The following PEX14 variants were observed in gnomAD, a reference collection of about 807,000 sequenced individuals.
PEX14 encodes peroxisomal biogenesis factor 14.
Under a neutral mutation model 49.5 loss-of-function variants are expected in PEX14, and 15 were observed. The ratio of observed to expected loss-of-function variants is 0.30; its 90% CI spans 0.20 to 0.47. PEX14 has a LOEUF of 0.47. Ranked by LOEUF, PEX14 falls within the 20% of genes least tolerant of loss-of-function variation. The pLI is 1.00. For missense variants in PEX14, 398 were observed against 494.8 expected (o/e 0.80, Z 1.86); for synonymous variants, 210 against 212.7 (o/e 0.99, Z 0.11).
chr1:10,505,291 C>T (rs549164755), intron 2 of PEX14, among the ~76,000 whole-genome samples: 247 of 152,032 alleles, frequency 1.6e-3, no homozygotes, highest in Non-Finnish European at 2.8e-3. Flanking sequence ...GGCAACGTGA[C>T]GAGGTGCCAT....
At chr1:10,603,861 C>T (rs748157648) in intron 4 of PEX14, among the ~76,000 whole-genome samples, 3 of 152,184 alleles carry the variant, frequency 2.0e-5, no homozygotes, top group Non-Finnish European at 4.4e-5. Context: ...CAAAGACTGA[C>T]CTAGAGCTTC....
chr1:10,592,976 T>G (rs1640715194), intron 3 of PEX14, among the ~76,000 whole-genome samples: 1 of 152,196 alleles, frequency 6.6e-6, no homozygotes, highest in Non-Finnish European at 1.5e-5. Flanking sequence ...CTGTTGACAT[T>G]AGGAAAGCAG....
chr1:10,496,533 G>T (rs778480626), intron 2 of PEX14, among the ~76,000 whole-genome samples: 2 of 152,146 alleles, frequency 1.3e-5, no homozygotes, highest in Non-Finnish European at 2.9e-5. Flanking sequence ...ACCATAGGCC[G>T]CTGCAGTCCT....
chr1:10,502,465 C>A (rs1641698602), intron 2 of PEX14, among the ~76,000 whole-genome samples: 2 of 152,128 alleles, frequency 1.3e-5, no homozygotes, highest in Admixed American at 1.3e-4. Flanking sequence ...AGGCGGTGCC[C>A]TTTACATTGT....
intron 3 of PEX14, among the ~76,000 whole-genome samples, chr1:10,571,140 A>G (rs184166026): frequency 1.3e-5 from 2 of 149,076 alleles, no homozygotes; most frequent in Non-Finnish European, 3.0e-5. Context: ...TACAGGTGTG[A>G]GCCACTGTGC....
At chr1:10,590,763 C>T (rs1010162148) in intron 3 of PEX14, among the ~76,000 whole-genome samples, 4 of 152,162 alleles carry the variant, frequency 2.6e-5, no homozygotes, top group Non-Finnish European at 5.9e-5. Flanking sequence ...TATGTATTGA[C>T]CTATTAGGAC....
At position 10,618,416 on chromosome 1, in the gene PEX14, A is replaced by T; in HGVS notation, c.383A>T (p.Lys128Met). ...GCATTTGGCTTTCACCAGCTCTACA[A>T]GGTGAGTCACCCCCAGCGGCTGCAG... is the stretch of plus-strand genomic sequence containing the variant. ...GIAFGFHQLY[K>M]KYLLPLILGG... is the part of the protein sequence containing the mutation. Residue 128 changes from lysine (K) to methionine (M), a missense_variant and splice_region_variant, in exon 5 of 9, where the codon AAG becomes ATG. Physicochemically the swap from Lys to Met is moderately conservative, Grantham distance 95. This residue lies in a region of PEX14 where 202 missense variants were observed against 298.5 expected (regional missense o/e 0.68). Coordinates refer to ENST00000356607, the MANE Select transcript of PEX14 (RefSeq NM_004565.3). 6.2e-7 allele frequency: 1 copy of T among 1,610,970 alleles called. No individual in the cohort carries two copies. Among genetic ancestry groups the T allele is most frequent in the Non-Finnish European group, 8.5e-7 (1 of 1,177,672 alleles).
In PEX14 at chr1:10,512,946, C is replaced by T. The variant is rs1641910537; in HGVS notation, c.84+17625C>T. ...TCTCGTGACCTCGTGATCCACCCACCTTGGTCTCCCAGAATGCTGGGATTA... is the reference window on the plus strand; with the variant it reads ...TCTCGTGACCTCGTGATCCACCCACTTTGGTCTCCCAGAATGCTGGGATTA... On this transcript the variant is annotated intron_variant, in intron 2 of 8. Transcript: ENST00000356607. The surrounding 1 kb of genome is among the most constrained non-coding windows in gnomAD (Gnocchi z 4.6). Among the ~76,000 whole-genome samples the T allele has an allele frequency of 6.6e-6, 1 of 152,208 alleles. No individual in the cohort carries two copies. Among genetic ancestry groups the T allele is most frequent in the Non-Finnish European group, 1.5e-5 (1 of 68,040 alleles).
At position 10,479,038 on chromosome 1, in the gene PEX14, A is replaced by G. The variant is rs1641240917; in HGVS notation, c.36+4036A>G. ...AGTGCTGGGATTACAGGTGTGAGCC[A>G]CTGTGCCTGGCCTGGCTAATGTATT... On this transcript the variant is annotated intron_variant, in intron 1 of 8. Coordinates refer to ENST00000356607, the MANE Select transcript of PEX14 (RefSeq NM_004565.3). 4.0e-5 allele frequency among the ~76,000 whole-genome samples: 6 copies of G among 151,690 alleles called. 1 individual carries two copies. In the Middle Eastern group the frequency reaches 0.017, roughly 430 times the overall value.
chr1:10,572,933 C>T (rs78673922), intron 3 of PEX14, among the ~76,000 whole-genome samples: 2,097 of 152,288 alleles, frequency 0.014, 62 homozygotes, highest in African/African-American at 0.048. Context: ...CTACTGCATA[C>T]TTAGGCTATC....
chr1:10,493,035 A>G (rs1288485557), intron 1 of PEX14, among the ~76,000 whole-genome samples: 2 of 152,180 alleles, frequency 1.3e-5, no homozygotes, highest in Non-Finnish European at 2.9e-5. Flanking sequence ...ACTAAAGGGA[A>G]GGAAGGGCAT....
intron 3 of PEX14, among the ~76,000 whole-genome samples, chr1:10,553,864 G>A (rs1321949485): frequency 1.3e-5 from 2 of 152,026 alleles, no homozygotes; most frequent in South Asian, 2.1e-4. Flanking sequence ...ATCTGGCCTC[G>A]GCAATTTTCA....
intron 4 of PEX14, among the ~76,000 whole-genome samples, chr1:10,604,417 A>G (rs1641071087): frequency 6.6e-6 from 1 of 152,154 alleles, no homozygotes; most frequent in African/African-American, 2.4e-5. Context: ...TAGGAGTTCA[A>G]GACCAGCCTG....
At chr1:10,627,615 T>C (rs1641788558) in intron 8 of PEX14, among the ~76,000 whole-genome samples, 1 of 152,258 alleles carries the variant, frequency 6.6e-6, no homozygotes, top group African/African-American at 2.4e-5. Context: ...GAAGACCTGG[T>C]CAGGGACAGC....
At chr1:10,475,467 C>G (rs1043332894) in intron 1 of PEX14, among the ~76,000 whole-genome samples, 5 of 152,180 alleles carry the variant, frequency 3.3e-5, no homozygotes, top group Non-Finnish European at 5.9e-5. Context: ...TCTGTGGTCA[C>G]CTTTGCGCTT....
chr1:10,603,106 G>A (rs144755541), intron 4 of PEX14, among the ~76,000 whole-genome samples: 177 of 152,328 alleles, frequency 1.2e-3, no homozygotes, highest in African/African-American at 4.1e-3. Flanking sequence ...TGGCATCTCT[G>A]TTCTTTGGTG....
At chr1:10,489,311 T>C (rs890055204) in intron 1 of PEX14, among the ~76,000 whole-genome samples, 3 of 152,218 alleles carry the variant, frequency 2.0e-5, no homozygotes, top group African/African-American at 7.2e-5. Context: ...GGATGCTGGA[T>C]ATTGTGAGTT....
intron 3 of PEX14, among the ~76,000 whole-genome samples, chr1:10,564,758 T>C (rs1639753913): frequency 6.6e-6 from 1 of 152,064 alleles, no homozygotes; most frequent in African/African-American, 2.4e-5. Context: ...TTTAGTTTTC[T>C]AGTAAACTTC....
At chr1:10,525,590 G>A (rs1275901626) in intron 2 of PEX14, among the ~76,000 whole-genome samples, 1 of 152,152 alleles carries the variant, frequency 6.6e-6, no homozygotes, top group Non-Finnish European at 1.5e-5. Context: ...TGTTTGAATA[G>A]TAAGTTTCCA....
Sources: allele counts gnomAD v4.1 joint callset (sites outside exome capture counted in the v4.1 genomes callset), GRCh38; gene constraint gnomAD v4.1.1; regional missense constraint gnomAD v4.1.1; non-coding constraint Gnocchi (gnomAD v3.1); transcripts MANE v1.5; gene names NCBI Gene and HGNC (gene_info 2026-07-23, HGNC 2026-07-21).